The following DISP1 variants were observed in gnomAD, a reference collection of about 807,000 sequenced individuals.
DISP1 encodes the protein protein dispatched homolog 1.
A neutral mutation model predicts 37.3 loss-of-function variants in DISP1; 30 were observed. The ratio of observed to expected loss-of-function variants is 0.80; its 90% CI spans 0.60 to 1.09. The LOEUF is 1.09. Ranked by LOEUF, DISP1 falls within the 50% of genes least tolerant of loss-of-function variation. DISP1 has a pLI of 0.00. For missense variants in DISP1, 1,598 were observed against 1,879.5 expected, an observed-to-expected ratio of 0.85 and a Z score of 2.77; for synonymous variants, 634 against 690.2, an observed-to-expected ratio of 0.92 and a Z score of 1.28.
In DISP1 at chr1:223,003,822, A is replaced by T; in HGVS notation, c.2425A>T (p.Lys809Ter). 3.7e-6 allele frequency: 6 copies of T among 1,614,190 alleles called. No homozygotes were observed. Among genetic ancestry groups the T allele is most frequent in the Non-Finnish European group, 5.1e-6 (6 of 1,180,036 alleles). Reference sequence around the variant, plus strand: ...CCCACTAAATCCCAAGAGTAAAGGGAAGTTGACATTAGATAGCAGTTTTAA... The same window carrying T: ...CCCACTAAATCCCAAGAGTAAAGGGTAGTTGACATTAGATAGCAGTTTTAA... The part of the protein sequence containing the change: ...GNPLNPKSKG[K>*]LTLDSSFNIA... Residue 809 changes from lysine to a stop codon, truncating the protein, a stop_gained, in exon 9 of 9, where the codon AAG becomes TAG. Transcript: ENST00000675850. LOFTEE classifies it low-confidence loss of function (END_TRUNC). The surrounding 1 kb of genome is among the most constrained non-coding windows in gnomAD (Gnocchi z 4.3).
chr1:222,915,042 G>A (rs961144920), intron 1 of DISP1, among the ~76,000 whole-genome samples: 3 of 152,130 alleles, frequency 2.0e-5, no homozygotes, highest in African/African-American at 7.2e-5. Flanking sequence ...TTTTTCATAT[G>A]CTCCTGGCTT....
At chr1:222,819,531 CACAT>C (rs1360567920) in intron 1 of DISP1, among the ~76,000 whole-genome samples, 2 of 134,688 alleles carry the variant, frequency 1.5e-5, no homozygotes, top group South Asian at 2.6e-4. Context: ...CACACACACA[CACAT>C]ATCTTTTTTT....
chr1:222,846,679 T>A (rs1667924430), intron 1 of DISP1, among the ~76,000 whole-genome samples: 1 of 152,242 alleles, frequency 6.6e-6, no homozygotes, highest in Non-Finnish European at 1.5e-5. Flanking sequence ...TTGCAGGAAG[T>A]AGAATGGCCT....
chr1:222,993,709 A>G (rs1484929033), intron 7 of DISP1, among the ~76,000 whole-genome samples: 1 of 152,196 alleles, frequency 6.6e-6, no homozygotes, highest in East Asian at 1.9e-4. Flanking sequence ...CAATCAAAGT[A>G]TTAGTATATA....
chr1:222,998,004 T>C (rs1679191659), intron 8 of DISP1, among the ~76,000 whole-genome samples: 1 of 152,108 alleles, frequency 6.6e-6, no homozygotes, highest in Admixed American at 6.5e-5. Context: ...TTACCAATTA[T>C]AAACACCTTT....
At chr1:222,930,671 C>T (rs1322808804) in intron 2 of DISP1, among the ~76,000 whole-genome samples, 1 of 151,962 alleles carries the variant, frequency 6.6e-6, no homozygotes, top group Non-Finnish European at 1.5e-5. Context: ...GAATCCCACA[C>T]AATAGTAAAT....
At chr1:222,849,761 A>G (rs994455841) in intron 1 of DISP1, among the ~76,000 whole-genome samples, 1 of 152,152 alleles carries the variant, frequency 6.6e-6, no homozygotes, top group Non-Finnish European at 1.5e-5. Flanking sequence ...AAACCCAAAT[A>G]AAGGTACCAT....
chr1:222,964,539 G>A (rs2789928), intron 3 of DISP1, among the ~76,000 whole-genome samples: 131,223 of 152,132 alleles, frequency 0.86, 58,980 homozygotes, highest in Non-Finnish European at 0.98. Context: ...TGCAGGTTCA[G>A]TCCTGAGATC....
chr1:222,941,303 G>A (rs1674372969), intron 2 of DISP1, among the ~76,000 whole-genome samples: 1 of 152,174 alleles, frequency 6.6e-6, no homozygotes, highest in African/African-American at 2.4e-5. Flanking sequence ...GTGATTTAAT[G>A]AAGGAGAGAG....
intron 1 of DISP1, among the ~76,000 whole-genome samples, chr1:222,896,580 GAC>G (rs1385836870): frequency 6.6e-6 from 1 of 150,674 alleles, no homozygotes; most frequent in African/African-American, 2.4e-5. Context: ...CAGCCTGGGT[GAC>G]AGAGTGAGAC....
intron 1 of DISP1, among the ~76,000 whole-genome samples, chr1:222,860,079 G>A (rs766334947): frequency 6.6e-6 from 1 of 152,128 alleles, no homozygotes; most frequent in Non-Finnish European, 1.5e-5. Flanking sequence ...TTGTTGAGAT[G>A]GAGTTTTGCT....
chr1:222,831,161 G>C (rs559693265), intron 1 of DISP1: 6 of 152,168 alleles, frequency 3.9e-5, no homozygotes, highest in Non-Finnish European at 8.8e-5. Flanking sequence ...TTGTGCAAAT[G>C]TGAAATACTT....
At chr1:222,917,506 G>A (rs1280410955) in intron 1 of DISP1, among the ~76,000 whole-genome samples, 4 of 152,228 alleles carry the variant, frequency 2.6e-5, no homozygotes, top group African/African-American at 9.6e-5. Context: ...GAGGTAAAGA[G>A]AATGGGAAGT....
At chr1:222,924,544 G>T (rs909116449) in intron 1 of DISP1, among the ~76,000 whole-genome samples, 18 of 152,148 alleles carry the variant, frequency 1.2e-4, no homozygotes, top group Admixed American at 4.6e-4. Context: ...GAAGTTTTCA[G>T]TGGGTATGGA....
Position 222,893,401 on chromosome 1 carries a change from G to A in DISP1, c.-158-35029G>A, listed in dbSNP as rs772376315. Among the ~76,000 whole-genome samples, 10 of 152,184 alleles carry A rather than the reference G, an allele frequency of 6.6e-5. No homozygotes were observed. The highest frequency in any genetic ancestry group is 2.6e-4 in the Admixed American group (4 of 15,276). The stretch of plus-strand genomic sequence containing the variant: ...TGCTTGTGCCTGCTGGCCTCATTCC[G>A]CCCACTCGACCTGGCAGGCTGTGCT... On this transcript the variant is annotated intron_variant, in intron 1 of 8. Coordinates refer to ENST00000675850, the MANE Select transcript of DISP1 (RefSeq NM_001377229.1). This position sits in a 1 kb window ranked among gnomAD's most constrained non-coding sequence, Gnocchi z 4.3.
chr1:222,966,104 A>G (rs906773261), intron 3 of DISP1, among the ~76,000 whole-genome samples: 1 of 152,140 alleles, frequency 6.6e-6, no homozygotes, highest in Admixed American at 6.6e-5. Context: ...TAATTTTTAC[A>G]CTGTAGTTTT....
At chr1:222,998,301 T>C (rs1189770554) in intron 8 of DISP1, among the ~76,000 whole-genome samples, 3 of 151,124 alleles carry the variant, frequency 2.0e-5, no homozygotes, top group African/African-American at 7.3e-5. Context: ...TGAAGTTAAA[T>C]GGGGCGCAAC....
intron 3 of DISP1, among the ~76,000 whole-genome samples, chr1:222,981,674 C>T (rs1314688359): frequency 1.3e-5 from 2 of 152,102 alleles, no homozygotes; most frequent in African/African-American, 4.8e-5. Context: ...GGAAAGAGAA[C>T]TTTAGATCTT....
chr1:222,841,338 T>C (rs973900990), intron 1 of DISP1, among the ~76,000 whole-genome samples: 2 of 152,194 alleles, frequency 1.3e-5, no homozygotes, highest in African/African-American at 4.8e-5. Flanking sequence ...GTGTGCCTGG[T>C]GCTGTTCTTA....
Sources: allele counts gnomAD v4.1 joint callset (sites outside exome capture counted in the v4.1 genomes callset), GRCh38; gene constraint gnomAD v4.1.1; non-coding constraint Gnocchi (gnomAD v3.1); transcripts MANE v1.5; gene names NCBI Gene and HGNC (gene_info 2026-07-23, HGNC 2026-07-21).